The following STK24 variants were observed in gnomAD, a reference collection of about 807,000 sequenced individuals.
The protein encoded by STK24 is serine/threonine kinase 24.
In STK24, 21 loss-of-function variants were observed where a neutral mutation model predicts 55.6. The ratio of observed to expected loss-of-function variants is 0.38; its 90% confidence interval spans 0.27 to 0.54. STK24 has a LOEUF of 0.54. Among genes scored for constraint, STK24 ranks in the 20% least tolerant of loss-of-function variants. The probability of loss-of-function intolerance (pLI) is 0.79; values close to 1 mark genes in which losing one functional copy is unlikely to be tolerated. For missense variants in STK24, 383 were observed against 538.4 expected (o/e 0.71, Z 2.86); for synonymous variants, 200 against 215.2 (o/e 0.93, Z 0.62).
chr13:98,568,700 C>G (rs1447032426), intron 1 of STK24, among the ~76,000 whole-genome samples: 1 of 151,934 alleles, frequency 6.6e-6, no homozygotes, highest in Non-Finnish European at 1.5e-5. Context: ...AACCTCATCT[C>G]TACTAAAAAA....
At position 98,452,197 on chromosome 13, in the gene STK24, C is replaced by T. The variant is rs777987838; in HGVS notation, c.*976G>A. 6.6e-6 allele frequency: 1 copy of T among 152,204 alleles called. No individual in the cohort carries two copies. The highest frequency in any genetic ancestry group is 1.5e-5 in the Non-Finnish European group (1 of 68,046). The allele number at this position is 152,204 out of a possible 1,614,324, so 9.4% of individuals were successfully genotyped here. A position where few individuals can be genotyped will look rare whatever the true frequency, so the allele number is the denominator to read the frequency against. On this transcript the variant is annotated 3_prime_UTR_variant, in exon 11 of 11. Coordinates refer to ENST00000539966, the MANE Select transcript of STK24 (RefSeq NM_001032296.4). ...AAATTTATTTGTGTAAGCATTCAGA[C>T]ATTTTTAGGTGGGAAAGATGATATG...
intron 2 of STK24, among the ~76,000 whole-genome samples, chr13:98,511,559 C>T (rs1253509153): frequency 6.6e-6 from 1 of 152,198 alleles, no homozygotes; most frequent in Non-Finnish European, 1.5e-5. Flanking sequence ...ACATGTCCTT[C>T]GATAGGTAAA....
chr13:98,510,733 G>A (rs899859677), intron 2 of STK24, among the ~76,000 whole-genome samples: 3 of 152,144 alleles, frequency 2.0e-5, no homozygotes, highest in Admixed American at 6.5e-5. Flanking sequence ...GAGACAGAAA[G>A]GAGACTCGGG....
rs770477396 is a variant in STK24 at position 98,463,668 on chromosome 13, G to T, written c.929+23C>A. On this transcript the variant is annotated intron_variant, in intron 7 of 10. Transcript: ENST00000539966. ...GCGGATCCCTCCCACACACATGCTT[G>T]GGTCACTCAGGGGCCGACTTACGCG... The T allele has an allele frequency of 5.6e-6, 9 of 1,609,948 alleles. No individual in the cohort carries two copies. In the African/African-American group the frequency reaches 1.2e-4, roughly 22 times the overall value.
chr13:98,565,091 T>C (rs911144930), intron 1 of STK24, among the ~76,000 whole-genome samples: 1 of 152,186 alleles, frequency 6.6e-6, no homozygotes, highest in African/African-American at 2.4e-5. Flanking sequence ...GCTCTGCTTT[T>C]CAAATGGGCA....
chr13:98,481,464 G>A (rs1894575498), intron 3 of STK24, among the ~76,000 whole-genome samples: 2 of 152,214 alleles, frequency 1.3e-5, no homozygotes, highest in African/African-American at 4.8e-5. Flanking sequence ...AGGGAAGTGT[G>A]TGTTCCCCTT....
intron 1 of STK24, among the ~76,000 whole-genome samples, chr13:98,568,271 A>G (rs796424108): frequency 3.3e-5 from 5 of 152,234 alleles, no homozygotes; most frequent in African/African-American, 1.2e-4. Flanking sequence ...TGCTGAGATT[A>G]CAGGCATGAG....
chr13:98,462,034 G>T, intron 7 of STK24, 137 bp from the exon 8 acceptor site: 1 of 1,054,508 alleles, frequency 9.5e-7, no homozygotes, highest in Non-Finnish European at 1.4e-6. Context: ...TCACACCCTT[G>T]TCCAGTCCCT....
intron 1 of STK24, chr13:98,543,100 G>T: frequency 7.4e-6 from 6 of 814,250 alleles, no homozygotes; most frequent in Non-Finnish European, 8.9e-6. Flanking sequence ...CTCCGCTCCG[G>T]CTGGGAGGAG....
chr13:98,494,411 T>C (rs1271380109), intron 2 of STK24, among the ~76,000 whole-genome samples: 1 of 9,148 alleles, frequency 1.1e-4, no homozygotes, highest in Non-Finnish European at 5.1e-4. Context: ...CAGACTCGTC[T>C]CAAAAAAAAA....
chr13:98,484,040 AAC>A (rs1894707648), intron 2 of STK24, among the ~76,000 whole-genome samples: 5 of 152,206 alleles, frequency 3.3e-5, no homozygotes, highest in Admixed American at 6.5e-5. Flanking sequence ...TCTGACACCC[AAC>A]TCAGAGGGAC....
At chr13:98,468,081 T>G (rs1377768818) in intron 5 of STK24, among the ~76,000 whole-genome samples, 1 of 152,234 alleles carries the variant, frequency 6.6e-6, no homozygotes, top group Non-Finnish European at 1.5e-5. Context: ...TCGTTGTGGC[T>G]GCAGGGTGCT....
At chr13:98,455,793 G>C (rs1379639494) in intron 10 of STK24, 1 of 152,202 alleles carries the variant, frequency 6.6e-6, no homozygotes, top group African/African-American at 2.4e-5. Flanking sequence ...GAAAGTATTG[G>C]TTTTAAAAGT....
At position 98,475,370 on chromosome 13, in the gene STK24, A is replaced by G; in HGVS notation, c.331-12T>C. The G allele has an allele frequency of 6.4e-7, 1 of 1,563,532 alleles. No homozygotes were observed. Reference sequence around the variant, plus strand: ...GGGCCAGGTTCTAACTAAGAAGAGAAAAAAATTCTTAAAGTTACTTAAATG... The same window carrying G: ...GGGCCAGGTTCTAACTAAGAAGAGAGAAAAATTCTTAAAGTTACTTAAATG... On this transcript the variant is annotated splice_polypyrimidine_tract_variant and intron_variant, in intron 3 of 10. Transcript: ENST00000539966.
chr13:98,551,102 T>C (rs1897149280), intron 1 of STK24, among the ~76,000 whole-genome samples: 2 of 151,948 alleles, frequency 1.3e-5, no homozygotes, highest in African/African-American at 2.4e-5. Context: ...CTGGCTAACA[T>C]GGTGAAACCC....
intron 1 of STK24, among the ~76,000 whole-genome samples, chr13:98,573,861 A>G (rs1897803941): frequency 6.6e-6 from 1 of 152,172 alleles, no homozygotes; most frequent in Admixed American, 6.5e-5. Flanking sequence ...AAAATGGTAT[A>G]ATATCATCTA....
intron 8 of STK24, among the ~76,000 whole-genome samples, chr13:98,461,241 A>T (rs1893693750): frequency 6.6e-6 from 1 of 152,194 alleles, no homozygotes; most frequent in Non-Finnish European, 1.5e-5. Flanking sequence ...AACAGGGGAC[A>T]GCCACTGGCC....
At chr13:98,457,465 C>CTTTTTTTT (rs11351684) in intron 9 of STK24, among the ~76,000 whole-genome samples, 161 bp from the exon 10 acceptor site, 1 of 110,812 alleles carries the variant, frequency 9.0e-6, no homozygotes, top group Non-Finnish European at 1.8e-5. Flanking sequence ...CTTCAAATTG[C>CTTTTTTTT]TTTTTTTTTT....
At chr13:98,486,821 AG>A (rs1320319874) in intron 2 of STK24, among the ~76,000 whole-genome samples, 1 of 152,224 alleles carries the variant, frequency 6.6e-6, no homozygotes, top group Non-Finnish European at 1.5e-5. Flanking sequence ...CTCCTGCAGC[AG>A]GAAGACCAGC....
Sources: allele counts gnomAD v4.1 joint callset (sites outside exome capture counted in the v4.1 genomes callset), GRCh38; gene constraint gnomAD v4.1.1; transcripts MANE v1.5; gene names NCBI Gene and HGNC (gene_info 2026-07-23, HGNC 2026-07-21).